The following FAM131B variants were observed in gnomAD, a reference collection of about 807,000 sequenced individuals.
FAM131B encodes the protein family with sequence similarity 131 member B.
A neutral mutation model predicts 42.0 loss-of-function variants in FAM131B; 19 were observed. That is an observed-to-expected ratio of 0.45 (90% CI 0.32 to 0.66). The LOEUF is 0.66. Ranked by LOEUF, FAM131B falls within the 30% of genes least tolerant of loss-of-function variation. The pLI, the probability that FAM131B is intolerant of heterozygous loss-of-function variation, is 0.05. For missense variants in FAM131B, 370 were observed against 468.4 expected (o/e 0.79, Z 1.94); for synonymous variants, 183 against 177.6 (o/e 1.03, Z -0.24).
chr7:143,368,803 T>C, the FAM131B span, among the ~76,000 whole-genome samples: 1 of 152,246 alleles, frequency 6.6e-6, no homozygotes, highest in Non-Finnish European at 1.5e-5. Context: ...CAACTTCAGC[T>C]TGGATTCCTC....
At chr7:143,373,447 C>T in the FAM131B span, among the ~76,000 whole-genome samples, 1 of 152,122 alleles carries the variant, frequency 6.6e-6, no homozygotes, top group Non-Finnish European at 1.5e-5. Context: ...AGTTTAATCA[C>T]GTGACATTCA....
the FAM131B span, among the ~76,000 whole-genome samples, chr7:143,377,000 G>A: frequency 2.6e-5 from 4 of 152,172 alleles, no homozygotes; most frequent in South Asian, 4.1e-4. Flanking sequence ...ACACACAGTC[G>A]CATTCCTCGC....
the FAM131B span, chr7:143,381,853 A>T: frequency 2.2e-6 from 3 of 1,382,530 alleles, no homozygotes; most frequent in Admixed American, 5.5e-5. Context: ...GAATTTGGGG[A>T]TGTCTGGAAA....
rs974726657 is a variant in FAM131B, at chr7:143,353,934, C to T, written c.*2616G>A. The T allele has an allele frequency of 3.3e-5, 5 of 151,512 alleles. No homozygotes were observed. Among genetic ancestry groups the T allele is most frequent in the African/African-American group, 1.2e-4 (5 of 41,032 alleles). The allele number at this position is 151,512 out of a possible 1,614,324, so 9.4% of individuals were successfully genotyped here. The stretch of plus-strand genomic sequence containing the variant: ...TCATTCACAAGAATATAAAAACAGC[C>T]CTGTTCCAGGACTGCTGTAAAACGT... On this transcript the variant is annotated 3_prime_UTR_variant, in exon 7 of 7. Coordinates refer to ENST00000443739, the MANE Select transcript of FAM131B (RefSeq NM_001031690.3).
the FAM131B span, among the ~76,000 whole-genome samples, chr7:143,374,334 C>G: frequency 1.3e-5 from 2 of 152,180 alleles, no homozygotes; most frequent in Non-Finnish European, 2.9e-5. Flanking sequence ...TGTGATGTCT[C>G]TTTCTCCCTT....
the FAM131B span, among the ~76,000 whole-genome samples, chr7:143,373,989 C>T: frequency 1.3e-5 from 2 of 152,114 alleles, no homozygotes; most frequent in Non-Finnish European, 1.5e-5. Flanking sequence ...TCAGAAAGTG[C>T]ATACCTCCCT....
rs1304735429 is a variant in FAM131B at position 143,356,715 on chromosome 7, C to G, written c.918G>C (p.Arg306Ser). ...CCTCTTCCTCCTCAGGTGCCAATGGCCTCTTCTCCTCCTCAGCAGGGCCCC... is the reference window on the plus strand; with the variant it reads ...CCTCTTCCTCCTCAGGTGCCAATGGGCTCTTCTCCTCCTCAGCAGGGCCCC... ...LARGPAEEEK[R>S]PLAPEEEEDA... The change falls in exon 7 of 7, where the codon AGG becomes AGC. Residue 306 changes from arginine to serine, a missense_variant. Coordinates refer to ENST00000443739, the MANE Select transcript of FAM131B (RefSeq NM_001031690.3). This position sits in a 1 kb window ranked among gnomAD's most constrained non-coding sequence, Gnocchi z 4.4. 1 of 1,614,046 alleles carries G rather than the reference C, an allele frequency of 6.2e-7. No homozygotes were observed. The highest frequency in any genetic ancestry group is 8.5e-7 in the Non-Finnish European group (1 of 1,180,036).
chr7:143,380,624 G>A, the FAM131B span: 1 of 985,540 alleles, frequency 1.0e-6, no homozygotes, highest in South Asian at 4.7e-5. This position sits in a 1 kb window ranked among gnomAD's most constrained non-coding sequence, Gnocchi z 5.0. Context: ...GCTGGCTGGG[G>A]CGCTGGGGAT....
chr7:143,361,924 C>T (rs113727132), intron 1 of FAM131B: 1 of 466,532 alleles, frequency 2.1e-6, no homozygotes, highest in Non-Finnish European at 2.8e-6. Flanking sequence ...TCCCCGCGTC[C>T]CCCAGCCCCT....
the FAM131B span, chr7:143,381,366 C>T: frequency 8.6e-7 from 1 of 1,162,318 alleles, no homozygotes; most frequent in Middle Eastern, 2.8e-4. Context: ...GGACCCGGCG[C>T]CGAGGCGGCC....
chr7:143,380,272 C>T, the FAM131B span: 1 of 984,790 alleles, frequency 1.0e-6, no homozygotes. The surrounding 1 kb of genome is among the most constrained non-coding windows in gnomAD (Gnocchi z 5.0). Flanking sequence ...TTACCCAGGT[C>T]TGGCTTCTTT....
In FAM131B at chr7:143,359,081, G is replaced by C; in HGVS notation, c.269-57C>G. 6.5e-7 allele frequency: 1 copy of C among 1,540,664 alleles called. No individual in the cohort carries two copies. The highest frequency in any genetic ancestry group is 1.2e-5 in the South Asian group (1 of 86,292). On this transcript the variant is annotated intron_variant, in intron 4 of 6. Transcript: ENST00000443739. This position sits in a 1 kb window ranked among gnomAD's most constrained non-coding sequence, Gnocchi z 5.4. The stretch of plus-strand genomic sequence containing the variant: ...GAATATCACACAATACCCATAACCA[G>C]ACCCTCCCAGTTCCTCCCACCCCAG...
the FAM131B span, among the ~76,000 whole-genome samples, chr7:143,372,826 G>T: frequency 6.6e-6 from 1 of 152,052 alleles, no homozygotes; most frequent in African/African-American, 2.4e-5. Context: ...AGGTGTCGTG[G>T]TGGGCACCTG....
upstream of FAM131B, chr7:143,363,959 C>T (rs1804115958): frequency 6.6e-6 from 1 of 152,174 alleles, no homozygotes; most frequent in Non-Finnish European, 1.5e-5. Flanking sequence ...AAGAAGAAGA[C>T]ACTAACAACT....
At position 143,359,603 on chromosome 7, in the gene FAM131B, G is replaced by T. The variant is rs989975611; in HGVS notation, c.174+129C>A. The T allele has an allele frequency of 9.7e-7, 1 of 1,033,696 alleles. No homozygotes were observed. Among genetic ancestry groups the T allele is most frequent in the South Asian group, 1.4e-5 (1 of 73,494 alleles). The allele number at this position is 1,033,696 out of a possible 1,614,324, so 64.0% of individuals were successfully genotyped here. ...CAGTGCTCTGGAAAACTGGGGCACAGGTTGAGAACGTGAGTGCTCACAGTG... is the reference window on the plus strand; with the variant it reads ...CAGTGCTCTGGAAAACTGGGGCACATGTTGAGAACGTGAGTGCTCACAGTG... On this transcript the variant is annotated intron_variant, in intron 3 of 6. Transcript: ENST00000443739. The surrounding 1 kb of genome is among the most constrained non-coding windows in gnomAD (Gnocchi z 5.4).
upstream of FAM131B, among the ~76,000 whole-genome samples, chr7:143,365,112 T>C (rs56387588): frequency 0.2 from 30,841 of 152,216 alleles, 3,676 homozygotes; most frequent in East Asian, 0.36. Flanking sequence ...AAAGATTCAA[T>C]TGAGAAAGGG....
At chr7:143,381,166 A>G in the FAM131B span, 2 of 985,578 alleles carry the variant, frequency 2.0e-6, no homozygotes, top group East Asian at 1.1e-4. Context: ...AGGCAGGATC[A>G]GGGCCCCTTC....
chr7:143,380,489 G>T, the FAM131B span: 2 of 985,398 alleles, frequency 2.0e-6, no homozygotes, highest in Admixed American at 6.1e-5. The surrounding 1 kb of genome is among the most constrained non-coding windows in gnomAD (Gnocchi z 5.0). Flanking sequence ...CGTAAAAGAC[G>T]AGCAGCCCGC....
intron 1 of FAM131B, chr7:143,361,369 G>C (rs1321947577): frequency 6.8e-6 from 1 of 146,426 alleles, no homozygotes; most frequent in African/African-American, 2.5e-5. Flanking sequence ...GGTGCGGGGG[G>C]AGAGGGGAGC....
Sources: allele counts gnomAD v4.1 joint callset (sites outside exome capture counted in the v4.1 genomes callset), GRCh38; gene constraint gnomAD v4.1.1; non-coding constraint Gnocchi (gnomAD v3.1); transcripts MANE v1.5; gene names NCBI Gene and HGNC (gene_info 2026-07-23, HGNC 2026-07-21).